Variants in ADGRV1 observed in about 807,000 individuals in gnomAD.
The protein encoded by ADGRV1 is adhesion G protein-coupled receptor V1, also known as G-protein coupled receptor 98.
Under a neutral mutation model 596.2 loss-of-function variants are expected in ADGRV1, and 359 were observed. The ratio of observed to expected loss-of-function variants is 0.60; its 90% CI spans 0.55 to 0.66. The LOEUF (loss-of-function observed/expected upper bound fraction) is 0.66. Among genes scored for constraint, ADGRV1 ranks in the 30% least tolerant of loss-of-function variants. The pLI is 0.00. For synonymous variants in ADGRV1, 2,681 were observed against 2,679.2 expected (o/e 1.00, Z -0.02); for missense variants, 7,274 against 7,575.6 (o/e 0.96, Z 1.48).
At chr5:90,615,082 C>A (rs1433789091) in intron 2 of ADGRV1, 63 bp downstream of exon 2, 3 of 1,059,716 alleles carry the variant, frequency 2.8e-6, no homozygotes, top group Admixed American at 6.9e-5. Context: ...GTTTTAATGG[C>A]AAGGATTTTT....
Position 90,647,606 on chromosome 5 carries a change from AG to A in ADGRV1, c.3133del (p.Ala1045LeufsTer46), listed in dbSNP as rs1439933768. On this transcript the variant is annotated frameshift_variant, in exon 17 of 90. Coordinates refer to ENST00000405460, the MANE Select transcript of ADGRV1 (RefSeq NM_032119.4). LOFTEE classifies it high-confidence loss of function. ...CMVQYATKDG[K>X]ATARERDFIP... Reference sequence around the variant, plus strand: ...GTCCAGTATGCTACCAAGGATGGGAAGGCTACTGCAAGAGAGAGAGATTTCA... The same window carrying A: ...GTCCAGTATGCTACCAAGGATGGGAAGCTACTGCAAGAGAGAGAGATTTCA... 6.2e-7 allele frequency: 1 copy of A among 1,614,010 alleles called. No homozygotes were observed. The highest frequency in any genetic ancestry group is 1.1e-5 in the South Asian group (1 of 91,080).
chr5:90,723,403 G>T lies in ADGRV1; in HGVS notation c.9749-1429G>T, dbSNP rs1051008258. On this transcript the variant is annotated intron_variant, in intron 45 of 89. Transcript: ENST00000405460. ...TTGTCTAGAAGACAAGCTGAGATGG[G>T]ATCCAAAAAAGAAAGTCTGGTTTCT... 7.2e-5 allele frequency among the ~76,000 whole-genome samples: 11 copies of T among 152,078 alleles called. 1 individual carries two copies. The highest frequency in any genetic ancestry group is 6.5e-4 in the Admixed American group (10 of 15,270).
In ADGRV1 at chr5:90,705,468, A is replaced by G. The variant is rs794727600; in HGVS notation, c.8455A>G (p.Ser2819Gly). 1 of 1,613,942 alleles carries G rather than the reference A, an allele frequency of 6.2e-7. No homozygotes were observed. The highest frequency in any genetic ancestry group is 1.7e-5 in the Admixed American group (1 of 60,028). ...GYAAVLTVEA[S>G]DEPHGVLNFA... ...TGCAGCTGTCCTCACAGTAGAAGCC[A>G]GTGATGAACCACATGGAGTTTTAAA... The change falls in exon 37 of 90, where the codon AGT becomes GGT. Residue 2819 changes from serine (S) to glycine (G), a missense_variant. Physicochemically the swap from Ser to Gly is moderately conservative, Grantham distance 56. Transcript: ENST00000405460.
chr5:90,673,373 T>C (rs1772755748), intron 22 of ADGRV1, among the ~76,000 whole-genome samples: 1 of 152,152 alleles, frequency 6.6e-6, no homozygotes, highest in Non-Finnish European at 1.5e-5. Flanking sequence ...GTACAAAAAA[T>C]ATATGATATT....
intron 38 of ADGRV1, among the ~76,000 whole-genome samples, chr5:90,708,507 G>C (rs981322138): frequency 2.0e-5 from 3 of 149,204 alleles, no homozygotes; most frequent in Admixed American, 1.3e-4. Context: ...CAAATGTTTT[G>C]TTCATATTAT....
intron 12 of ADGRV1, 36 bp from the exon 13 acceptor site, chr5:90,642,820 C>T (rs769853841): frequency 1.2e-6 from 2 of 1,600,882 alleles, no homozygotes; most frequent in East Asian, 4.5e-5. Flanking sequence ...AGAATGATCT[C>T]AAAGGGTTTC....
Position 90,587,939 on chromosome 5 carries a change from C to T in ADGRV1, c.23-26896C>T, listed in dbSNP as rs960378670. 8.5e-5 allele frequency among the ~76,000 whole-genome samples: 13 copies of T among 152,198 alleles called. No individual in the cohort carries two copies. The East Asian group carries it at 1.2e-3, about 14-fold the overall frequency. ...AAATATATATCTACAGTATATAAAACGTGGTTTCAAAATGTATATTCTATA... is the reference window on the plus strand; with the variant it reads ...AAATATATATCTACAGTATATAAAATGTGGTTTCAAAATGTATATTCTATA... On this transcript the variant is annotated intron_variant, in intron 1 of 89. Transcript: ENST00000405460.
intron 83 of ADGRV1, among the ~76,000 whole-genome samples, chr5:90,927,151 C>T (rs1395083699): frequency 4.1e-4 from 61 of 149,748 alleles, no homozygotes; most frequent in Admixed American, 6.6e-4. Context: ...CTATTAGGTC[C>T]GCTTGGTGCA....
intron 87 of ADGRV1, among the ~76,000 whole-genome samples, chr5:91,128,804 T>C (rs1793974148): frequency 1.3e-5 from 2 of 152,312 alleles, no homozygotes; most frequent in African/African-American, 2.4e-5. Flanking sequence ...TCATCATCAT[T>C]GTTCACTCTC....
intron 85 of ADGRV1, among the ~76,000 whole-genome samples, chr5:91,047,092 T>C (rs1218631861): frequency 6.6e-6 from 1 of 152,146 alleles, no homozygotes; most frequent in Non-Finnish European, 1.5e-5. Context: ...ACAACCACTA[T>C]GAAAAACAAT....
chr5:91,049,358 G>A lies in ADGRV1; in HGVS notation c.18153-23089G>A, dbSNP rs560970068. Among the ~76,000 whole-genome samples, 10 of 152,266 alleles carry A rather than the reference G, an allele frequency of 6.6e-5. No individual in the cohort carries two copies. The South Asian group carries it at 1.9e-3, about 28-fold the overall frequency. On this transcript the variant is annotated intron_variant, in intron 85 of 89. Transcript: ENST00000405460. ...AATGCATTGTCTGATGATCCAGGAT[G>A]TCTACTTCATTCTTTTGAAATAGTT...
At chr5:90,658,313 A>T in intron 21 of ADGRV1, 35 bp downstream of exon 21, 2 of 1,468,762 alleles carry the variant, frequency 1.4e-6, no homozygotes, top group Non-Finnish European at 1.8e-6. Flanking sequence ...TGGATTTAAA[A>T]ATTCATTGTA....
chr5:91,087,946 A>AT (rs1419273209), intron 86 of ADGRV1, among the ~76,000 whole-genome samples: 1 of 152,098 alleles, frequency 6.6e-6, no homozygotes, highest in Admixed American at 6.5e-5. Context: ...ACCTCAGTGC[A>AT]TTTTTTAACA....
chr5:90,884,221 G>A (rs1489728857), intron 83 of ADGRV1, among the ~76,000 whole-genome samples: 2 of 152,058 alleles, frequency 1.3e-5, no homozygotes, highest in Admixed American at 6.6e-5. Context: ...CCATTCAAAT[G>A]CCAGTAGCAC....
chr5:91,106,795 C>T (rs1482909379), intron 87 of ADGRV1, among the ~76,000 whole-genome samples: 1 of 152,094 alleles, frequency 6.6e-6, no homozygotes, highest in Admixed American at 6.6e-5. Flanking sequence ...ATTTAGGAGA[C>T]GTTGCTAAAT....
At chr5:90,998,413 G>A (rs1463831501) in intron 85 of ADGRV1, among the ~76,000 whole-genome samples, 2 of 151,900 alleles carry the variant, frequency 1.3e-5, no homozygotes, top group East Asian at 3.9e-4. Context: ...TAAATAAAAA[G>A]TTTGCTTTTT....
intron 83 of ADGRV1, among the ~76,000 whole-genome samples, chr5:90,900,336 T>TC (rs1182060995): frequency 6.6e-6 from 1 of 151,860 alleles, no homozygotes; most frequent in Admixed American, 6.6e-5. Flanking sequence ...ATTCTTTTTT[T>TC]TTTTTTTTTT....
At chr5:90,987,920 C>G (rs540472943) in intron 85 of ADGRV1, among the ~76,000 whole-genome samples, 185 of 152,276 alleles carry the variant, frequency 1.2e-3, no homozygotes, top group Middle Eastern at 6.8e-3. Context: ...CTCAAGTTCT[C>G]TTTCCTGCCA....
intron 85 of ADGRV1, among the ~76,000 whole-genome samples, chr5:91,026,317 CA>C (rs551927834): frequency 1.9e-4 from 29 of 152,106 alleles, no homozygotes; most frequent in Admixed American, 3.3e-4. Flanking sequence ...CAATGCCTTT[CA>C]AAAAAATAAG....
Sources: gnomAD v4.1 joint callset for allele counts (sites outside exome capture counted in the v4.1 genomes callset) on GRCh38, gnomAD v4.1.1 for gene constraint, MANE v1.5 for transcripts, NCBI Gene and HGNC (gene_info 2026-07-23, HGNC 2026-07-21) for gene names.